Variants in PSD4 observed in about 807,000 individuals in gnomAD.
PSD4 encodes pleckstrin and Sec7 domain containing 4.
A neutral mutation model predicts 112.5 loss-of-function variants in PSD4; 59 were observed. The ratio of observed to expected loss-of-function variants is 0.52; its 90% CI spans 0.43 to 0.65. PSD4 has a LOEUF of 0.65. Ranked by LOEUF, PSD4 falls within the 30% of genes least tolerant of loss-of-function variation. The pLI is 0.00. For missense variants in PSD4, 1,267 were observed against 1,352.6 expected (o/e 0.94, Z 0.99); for synonymous variants, 533 against 540.0 (o/e 0.99, Z 0.18).
intron 14 of PSD4, chr2:113,198,208 A>G (rs1373065151): frequency 2.6e-6 from 1 of 380,706 alleles, no homozygotes; most frequent in Non-Finnish European, 4.7e-6. Flanking sequence ...GGAAGTTGCT[A>G]ATGATTGACC....
At chr2:113,191,578 T>C (rs1688441446) in intron 5 of PSD4, among the ~76,000 whole-genome samples, 1 of 152,158 alleles carries the variant, frequency 6.6e-6, no homozygotes, top group Admixed American at 6.5e-5. Context: ...GCCCCTGGAA[T>C]GTTTTCATAT....
At chr2:113,181,363 T>G (rs1053920127) in intron 1 of PSD4, among the ~76,000 whole-genome samples, 4 of 152,184 alleles carry the variant, frequency 2.6e-5, no homozygotes, top group Non-Finnish European at 5.9e-5. Flanking sequence ...CACAGTGTGC[T>G]TTGGATCAAA....
At position 113,193,534 on chromosome 2, in the gene PSD4, G is replaced by A; in HGVS notation, c.2033-58G>A. On this transcript the variant is annotated intron_variant, in intron 8 of 16. Transcript: ENST00000245796. ...GGTTACCCCACGCAGTGTGGGCAGA[G>A]GAAACAGGAGCCCTGGTTCCAATGA... The A allele has an allele frequency of 3.2e-6, 5 of 1,570,324 alleles. No individual in the cohort carries two copies. The Middle Eastern group carries it at 6.7e-4, about 210-fold the overall frequency.
intron 16 of PSD4, 40 bp from the exon 17 acceptor site, chr2:113,201,118 G>A (rs202208265): frequency 6.4e-7 from 1 of 1,565,174 alleles, no homozygotes; most frequent in African/African-American, 1.4e-5. Context: ...CCAACCTGGA[G>A]CCAGGATGGT....
intron 1 of PSD4, among the ~76,000 whole-genome samples, chr2:113,178,799 G>C (rs1414245427): frequency 1.3e-5 from 2 of 152,130 alleles, no homozygotes; most frequent in African/African-American, 4.8e-5. Flanking sequence ...GGTACAATGT[G>C]TGGAGTTGGG....
At chr2:113,197,039 A>G (rs142383931) in intron 12 of PSD4, among the ~76,000 whole-genome samples, 3 of 152,370 alleles carry the variant, frequency 2.0e-5, no homozygotes, top group East Asian at 3.9e-4. Flanking sequence ...CTTTTGTCCA[A>G]GGAGCTTAGA....
At chr2:113,175,082 G>T (rs1385822433) in intron 1 of PSD4, among the ~76,000 whole-genome samples, 2 of 152,146 alleles carry the variant, frequency 1.3e-5, no homozygotes, top group Non-Finnish European at 2.9e-5. Context: ...TGAGCTCTTT[G>T]TTGGGGAAGG....
rs918610904 is a variant in PSD4 at position 113,182,572 on chromosome 2, A to G, written c.116A>G (p.His39Arg). 5.6e-6 allele frequency: 9 copies of G among 1,614,060 alleles called. No individual in the cohort carries two copies. The highest frequency in any genetic ancestry group is 5.9e-6 in the Non-Finnish European group (7 of 1,180,026). ...PGECPRETCSHEDPPEPFEEQ... is the reference protein window; with the variant it reads ...PGECPRETCSREDPPEPFEEQ... ...GAGTGCCCAAGGGAAACGTGCAGCC[A>G]TGAGGATCCACCGGAGCCTTTCGAG... The change falls in exon 2 of 17, where the codon CAT becomes CGT. Residue 39 changes from histidine (H) to arginine (R), a missense_variant. By Grantham distance (29) the His-to-Arg change is conservative. Around this residue, in one of 2 missense-constraint regions of PSD4, gnomAD observed 723 missense variants for 704.0 expected, o/e 1.03. Transcript: ENST00000245796.
At chr2:113,178,679 C>T (rs749650938) in intron 1 of PSD4, among the ~76,000 whole-genome samples, 32 of 152,038 alleles carry the variant, frequency 2.1e-4, no homozygotes, top group Admixed American at 1.4e-3. Context: ...CATATTGGCA[C>T]GGGAACGTTT....
chr2:113,201,786 A>T lies in PSD4; in HGVS notation c.*371A>T, dbSNP rs1688784459. ...AGAACTCAGCACTTGTTTGAGAACC[A>T]GTGCTTATGTGGTGTGCCCTTGGCT... On this transcript the variant is annotated 3_prime_UTR_variant, in exon 17 of 17. Transcript: ENST00000245796. 7.7e-6 allele frequency: 2 copies of T among 261,366 alleles called. No individual in the cohort carries two copies. Among genetic ancestry groups the T allele is most frequent in the Non-Finnish European group, 1.5e-5 (2 of 133,410 alleles). 16.2% of individuals were successfully genotyped at this position (261,366 alleles called of 1,614,324 possible).
intron 9 of PSD4, 91 bp downstream of exon 9, chr2:113,193,741 AC>A: frequency 6.4e-7 from 1 of 1,559,092 alleles, no homozygotes; most frequent in South Asian, 1.1e-5. Flanking sequence ...CGGGCAGGGA[AC>A]ACCCCTGAGG....
At chr2:113,195,839 T>C (rs1472995912) in intron 11 of PSD4, 69 bp downstream of exon 11, 1 of 1,587,946 alleles carries the variant, frequency 6.3e-7, no homozygotes, top group African/African-American at 1.3e-5. Flanking sequence ...CCTCCCTCTG[T>C]CACCCACCCG....
chr2:113,199,050 G>A (rs1411659480), intron 15 of PSD4, 33 bp from the exon 16 acceptor site: 8 of 1,515,148 alleles, frequency 5.3e-6, no homozygotes, highest in Non-Finnish European at 7.1e-6. Flanking sequence ...GGGGACGCCC[G>A]GGACAGCGCC....
rs117870995 is a variant in PSD4 at position 113,192,531 on chromosome 2, C to T, written c.1780C>T (p.Arg594Cys). ...CAAGGTAGCCTGGAACTTGGCCTCA[C>T]GCCTCTATCGCCTGGAGGGCTTCCG... ...NNKVAWNLAS[R>C]LYRLEGFRKS... The change falls in exon 6 of 17, where the codon CGC becomes TGC. Residue 594 changes from arginine to cysteine, a missense_variant. Arg to Cys is a radical substitution (Grantham distance 180). Coordinates refer to ENST00000245796, the MANE Select transcript of PSD4 (RefSeq NM_012455.3). 591 of 1,614,226 alleles carry T rather than the reference C, an allele frequency of 3.7e-4. 4 individuals carry two copies. In the East Asian group the frequency reaches 0.01, roughly 28 times the overall value.
chr2:113,175,818 G>T (rs907374709), intron 1 of PSD4, among the ~76,000 whole-genome samples: 4 of 152,260 alleles, frequency 2.6e-5, no homozygotes, highest in Non-Finnish European at 5.9e-5. Context: ...TCTCTAAATG[G>T]ACAGCAAAAC....
rs1457630540 is a variant in PSD4 at position 113,203,163 on chromosome 2, G to A, written c.*1748G>A. The A allele has an allele frequency of 6.6e-6, 1 of 152,218 alleles. No homozygotes were observed. Among genetic ancestry groups the A allele is most frequent in the African/African-American group, 2.4e-5 (1 of 41,440 alleles). 9.4% of individuals were successfully genotyped at this position (152,218 alleles called of 1,614,324 possible). ...CATTCATTCATTTTGCAGATAATATGGGACGCTTTCTATGTGCCAGTACCA... is the reference window on the plus strand; with the variant it reads ...CATTCATTCATTTTGCAGATAATATAGGACGCTTTCTATGTGCCAGTACCA... On this transcript the variant is annotated 3_prime_UTR_variant, in exon 17 of 17. Coordinates refer to ENST00000245796, the MANE Select transcript of PSD4 (RefSeq NM_012455.3).
At chr2:113,186,459 A>T (rs2104498238) in intron 5 of PSD4, among the ~76,000 whole-genome samples, 1 of 152,368 alleles carries the variant, frequency 6.6e-6, no homozygotes, top group East Asian at 1.9e-4. Flanking sequence ...GCAGATAGTT[A>T]TACACGTGGA....
At chr2:113,185,298 G>C in intron 3 of PSD4, 67 bp from the exon 4 acceptor site, 5 of 1,595,132 alleles carry the variant, frequency 3.1e-6, no homozygotes, top group Non-Finnish European at 4.3e-6. Context: ...CTCCCTGCCT[G>C]GCCTCTCCCC....
At chr2:113,199,658 G>A (rs1688720545) in intron 16 of PSD4, among the ~76,000 whole-genome samples, 1 of 152,194 alleles carries the variant, frequency 6.6e-6, no homozygotes, top group African/African-American at 2.4e-5. Context: ...TCCTTGCATG[G>A]ATTGTCTCAT....
Sources: gnomAD v4.1 joint callset for allele counts (sites outside exome capture counted in the v4.1 genomes callset) on GRCh38, gnomAD v4.1.1 for gene constraint, gnomAD v4.1.1 regional missense constraint, MANE v1.5 for transcripts, NCBI Gene and HGNC (gene_info 2026-07-23, HGNC 2026-07-21) for gene names.